The following RUBCN variants were observed in gnomAD, a reference collection of about 807,000 sequenced individuals.
RUBCN encodes rubicon autophagy regulator.
In RUBCN, 74 loss-of-function variants were observed where a neutral mutation model predicts 113.2. The ratio of observed to expected loss-of-function variants is 0.65; its 90% CI spans 0.54 to 0.79. The LOEUF (loss-of-function observed/expected upper bound fraction) is 0.79, where lower values mean the gene tolerates loss of function less well. RUBCN is among the 30% of genes least tolerant of loss of function. The pLI, the probability that RUBCN is intolerant of heterozygous loss-of-function variation, is 0.00. For missense variants in RUBCN, 1,109 were observed against 1,251.7 expected, an observed-to-expected ratio of 0.89 and a Z score of 1.72; for synonymous variants, 480 against 490.0, an observed-to-expected ratio of 0.98 and a Z score of 0.27.
At chr3:197,737,816 A>G (rs1022243482), upstream of RUBCN, among the ~76,000 whole-genome samples, 25 of 152,188 alleles carry the variant, frequency 1.6e-4, no homozygotes, top group East Asian at 4.4e-3. Flanking sequence ...ATGGGGGATA[A>G]CCAAGTAATG....
intron 8 of RUBCN, 47 bp downstream of exon 8, chr3:197,696,907 G>T (rs773723273): frequency 3.0e-6 from 3 of 1,014,998 alleles, no homozygotes; most frequent in Middle Eastern, 2.0e-4. Context: ...CACAAGGGGT[G>T]AGCAGAGAAA....
At position 197,683,399 on chromosome 3, in the gene RUBCN, C is replaced by T. The variant is rs528972079; in HGVS notation, c.1888G>A (p.Ala630Thr). ...TCAAACTGCTTCAGGAGCCCCATGG[C>T]CACCGCCTCAGCAGACGTGGAGTGC... ...FLHSTSAEAV[A>T]MGLLKQFEGM... The change falls in exon 13 of 20, where the codon GCC (alanine) becomes ACC (threonine). Residue 630 changes from alanine to threonine, a missense_variant. Transcript: ENST00000296343. This position sits in a 1 kb window ranked among gnomAD's most constrained non-coding sequence, Gnocchi z 4.6. 1 of 1,614,144 alleles carries T rather than the reference C, an allele frequency of 6.2e-7. No individual in the cohort carries two copies. The highest frequency in any genetic ancestry group is 2.2e-5 in the East Asian group (1 of 44,880).
intron 2 of RUBCN, among the ~76,000 whole-genome samples, chr3:197,711,000 A>G (rs1326794759): frequency 5.3e-5 from 8 of 152,156 alleles, no homozygotes; most frequent in Non-Finnish European, 1.2e-4. Context: ...TAATTTTTGT[A>G]TTGTTAGTAG....
chr3:197,692,478 C>T (rs1203475971), intron 11 of RUBCN, among the ~76,000 whole-genome samples: 1 of 151,282 alleles, frequency 6.6e-6, no homozygotes, highest in Non-Finnish European at 1.5e-5. Flanking sequence ...AGTCAGCCTA[C>T]AAGCAGAAGG....
Position 197,672,579 on chromosome 3 carries a change from G to A in RUBCN, c.*2439C>T, listed in dbSNP as rs537923205. The A allele has an allele frequency of 5.3e-5, 8 of 152,346 alleles. No individual in the cohort carries two copies. Among genetic ancestry groups the A allele is most frequent in the South Asian group, 2.1e-4 (1 of 4,832 alleles). 9.4% of individuals were successfully genotyped at this position (152,346 alleles called of 1,614,324 possible). A position where few individuals can be genotyped will look rare whatever the true frequency, so the allele number is the denominator to read the frequency against. ...AGGAGCCTATGAGACTGTTGAGTTC[G>A]GCTTCAGAAGCTGTCAGCATTGTCA... On this transcript the variant is annotated 3_prime_UTR_variant, in exon 20 of 20. Transcript: ENST00000296343.
rs1444630333 is a variant in RUBCN, at chr3:197,697,006, G to A, written c.1305C>T (p.Tyr435=). Residue 435 remains tyrosine (Y), a synonymous_variant, in exon 8 of 20, where the codon TAC becomes TAT. Transcript: ENST00000296343. ...DKAKLRGPLP[Y]SGQSSEVSTP... ...TGCTGACTTCACTGCTTTGACCAGA[G>A]TAGGGCAAAGGGCCTCTCAACTTCG... 6.2e-7 allele frequency: 1 copy of A among 1,610,350 alleles called. No homozygotes were observed.
At chr3:197,691,356 C>T (rs1001708681) in intron 11 of RUBCN, among the ~76,000 whole-genome samples, 3 of 152,088 alleles carry the variant, frequency 2.0e-5, no homozygotes, top group Admixed American at 2.0e-4. Flanking sequence ...CCTCAAGGAC[C>T]TCCTACGACA....
At chr3:197,707,224 CGGG>C (rs542070093) in intron 2 of RUBCN, among the ~76,000 whole-genome samples, 1 of 151,706 alleles carries the variant, frequency 6.6e-6, no homozygotes, top group Non-Finnish European at 1.5e-5. Flanking sequence ...CCCAGCTACT[CGGG>C]GGGCTGAGGC....
intron 16 of RUBCN, among the ~76,000 whole-genome samples, chr3:197,678,241 C>T (rs1477600915): frequency 2.6e-5 from 4 of 151,782 alleles, no homozygotes; most frequent in Non-Finnish European, 1.5e-5. Flanking sequence ...TACCTGGCTT[C>T]AGACTGTCCC....
chr3:197,696,791 T>G (rs1420184985), intron 8 of RUBCN, among the ~76,000 whole-genome samples, 163 bp downstream of exon 8: 1 of 144,356 alleles, frequency 6.9e-6, no homozygotes, highest in Non-Finnish European at 1.5e-5. Context: ...CAGAGCAGTG[T>G]GATTTCTAGC....
At chr3:197,679,675 C>T (rs1450688369) in intron 16 of RUBCN, among the ~76,000 whole-genome samples, 1 of 150,008 alleles carries the variant, frequency 6.7e-6, no homozygotes, top group African/African-American at 2.5e-5. Context: ...TACGCTCTGA[C>T]AACTGGCTCC....
At chr3:197,715,088 G>A (rs528591407) in intron 2 of RUBCN, among the ~76,000 whole-genome samples, 2 of 151,960 alleles carry the variant, frequency 1.3e-5, no homozygotes, top group East Asian at 1.9e-4. Context: ...TCAGGAGTTC[G>A]AGACCAGCCT....
Position 197,695,965 on chromosome 3 carries a change from C to A in RUBCN, c.1374G>T (p.Leu458=). Residue 458 remains leucine (L), a synonymous_variant, in exon 9 of 20, where the codon CTG becomes CTT. Transcript: ENST00000296343. The part of the protein sequence containing the change: ...LYMEYEGGRY[L]CSGEGMFRRP... ...TTCGGAACATGCCTTCCCCTGAGCA[C>A]AGGTACCGACCACCTTCTGTGGGAA... The A allele has an allele frequency of 6.2e-7, 1 of 1,614,166 alleles. No homozygotes were observed.
At position 197,672,083 on chromosome 3, in the gene RUBCN, C is replaced by T. The variant is rs1229204732; in HGVS notation, c.*2935G>A. ...GCAGGTGGAAACGCAGTTCAGAGCA[C>T]GGGCGGCACACACGGAACATCTCTA... On this transcript the variant is annotated 3_prime_UTR_variant, in exon 20 of 20. Transcript: ENST00000296343. 1 of 152,218 alleles carries T rather than the reference C, an allele frequency of 6.6e-6. No homozygotes were observed. Among genetic ancestry groups the T allele is most frequent in the Non-Finnish European group, 1.5e-5 (1 of 68,046 alleles). 9.4% of individuals were successfully genotyped at this position (152,218 alleles called of 1,614,324 possible).
chr3:197,699,142 G>A (rs1388522562), intron 7 of RUBCN: 3 of 1,401,186 alleles, frequency 2.1e-6, no homozygotes, highest in African/African-American at 1.4e-5. Flanking sequence ...AAGAAAGGTG[G>A]TCACAAAACA....
chr3:197,709,581 T>C (rs907831852), intron 2 of RUBCN, among the ~76,000 whole-genome samples: 1 of 151,968 alleles, frequency 6.6e-6, no homozygotes, highest in Admixed American at 6.6e-5. Context: ...GGTTTCTCCA[T>C]GTTGGTCAGG....
Position 197,671,744 on chromosome 3 carries a change from A to G in RUBCN, c.*3274T>C, listed in dbSNP as rs913663535. 4 of 152,158 alleles carry G rather than the reference A, an allele frequency of 2.6e-5. No homozygotes were observed. Among genetic ancestry groups the G allele is most frequent in the Non-Finnish European group, 5.9e-5 (4 of 68,028 alleles). The allele number at this position is 152,158 out of a possible 1,614,324, so 9.4% of individuals were successfully genotyped here. The stretch of plus-strand genomic sequence containing the variant: ...AACTGAAGCATCTAAGGCAAGTCAG[A>G]TGTTGCGGAGAGGAAGACACCTCAT... On this transcript the variant is annotated 3_prime_UTR_variant, in exon 20 of 20. Transcript: ENST00000296343.
At position 197,673,421 on chromosome 3, in the gene RUBCN, A is replaced by G. The variant is rs11543358; in HGVS notation, c.*1597T>C. 32,156 of 152,382 alleles carry G rather than the reference A, an allele frequency of 0.21. 6,621 individuals carry two copies. The highest frequency in any genetic ancestry group is 0.54 in the African/African-American group (22,327 of 41,472). The allele number at this position is 152,382 out of a possible 1,614,324, so 9.4% of individuals were successfully genotyped here. On this transcript the variant is annotated 3_prime_UTR_variant, in exon 20 of 20. Coordinates refer to ENST00000296343, the MANE Select transcript of RUBCN (RefSeq NM_014687.4). Reference sequence around the variant, plus strand: ...ACAGGCAACTTTCCGCTCAGCTTCCAGGGCAGCACCCACGCCCATTTCTTT... The same window carrying G: ...ACAGGCAACTTTCCGCTCAGCTTCCGGGGCAGCACCCACGCCCATTTCTTT...
rs1719935925 is a variant in RUBCN at position 197,672,923 on chromosome 3, C to T, written c.*2095G>A. The T allele has an allele frequency of 6.6e-6, 1 of 152,350 alleles. No homozygotes were observed. The highest frequency in any genetic ancestry group is 1.5e-5 in the Non-Finnish European group (1 of 68,136). 9.4% of individuals were successfully genotyped at this position (152,350 alleles called of 1,614,324 possible). A position where few individuals can be genotyped will look rare whatever the true frequency, so the allele number is the denominator to read the frequency against. ...GGCCAGGCTGGTCTCAAACTCCTGA[C>T]CTCATGATCCGCCCGCACTGGCCTC... On this transcript the variant is annotated 3_prime_UTR_variant, in exon 20 of 20. Transcript: ENST00000296343.
Sources: allele counts gnomAD v4.1 joint callset (sites outside exome capture counted in the v4.1 genomes callset), GRCh38; gene constraint gnomAD v4.1.1; non-coding constraint Gnocchi (gnomAD v3.1); transcripts MANE v1.5; gene names NCBI Gene and HGNC (gene_info 2026-07-23, HGNC 2026-07-21).